CHRM3: variants seen among roughly 807,000 people sequenced by gnomAD.
CHRM3 encodes the protein cholinergic receptor muscarinic 3.
Under a neutral mutation model 41.8 loss-of-function variants are expected in CHRM3, and 11 were observed. The ratio of observed to expected loss-of-function variants is 0.26; its 90% CI spans 0.17 to 0.44. CHRM3 has a LOEUF of 0.44. CHRM3 is among the 20% of genes least tolerant of loss of function. The pLI, the probability that CHRM3 is intolerant of heterozygous loss-of-function variation, is 1.00. For missense variants in CHRM3, 571 were observed against 745.4 expected (o/e 0.77, Z 2.72); for synonymous variants, 297 against 301.4 (o/e 0.99, Z 0.15).
intron 3 of CHRM3, among the ~76,000 whole-genome samples, chr1:239,582,961 T>G (rs1663038601): frequency 6.6e-6 from 1 of 152,170 alleles, no homozygotes; most frequent in African/African-American, 2.4e-5. Flanking sequence ...TCTTCCCTGT[T>G]GCTCTCCAGC....
chr1:239,708,450 C>T (rs981326087), intron 5 of CHRM3, among the ~76,000 whole-genome samples: 1 of 152,148 alleles, frequency 6.6e-6, no homozygotes, highest in African/African-American at 2.4e-5. Context: ...AAAATTCACT[C>T]TCTACTCAAC....
At chr1:239,637,264 T>C (rs528937288) in intron 4 of CHRM3, among the ~76,000 whole-genome samples, 11 of 152,252 alleles carry the variant, frequency 7.2e-5, no homozygotes, top group African/African-American at 2.6e-4. Flanking sequence ...AATATTCTTT[T>C]TAAACACCAT....
At chr1:239,409,687 G>A (rs1016978421) in intron 1 of CHRM3, among the ~76,000 whole-genome samples, 3 of 152,098 alleles carry the variant, frequency 2.0e-5, no homozygotes, top group South Asian at 4.1e-4. Flanking sequence ...AAAAGATAGC[G>A]GAATGTGCAC....
intron 5 of CHRM3, among the ~76,000 whole-genome samples, chr1:239,688,597 ATATAT>A (rs1033792536): frequency 3.0e-5 from 4 of 134,644 alleles, no homozygotes; most frequent in Non-Finnish European, 6.2e-5. Flanking sequence ...ATATAATATA[ATATAT>A]TATACATAAT....
At chr1:239,726,839 C>T (rs1159465538) in intron 5 of CHRM3, among the ~76,000 whole-genome samples, 4 of 151,792 alleles carry the variant, frequency 2.6e-5, no homozygotes, top group Non-Finnish European at 4.4e-5. Context: ...TATTGCAATC[C>T]CAGCATCTAG....
intron 5 of CHRM3, among the ~76,000 whole-genome samples, chr1:239,764,836 T>C (rs1001295124): frequency 2.6e-5 from 4 of 152,236 alleles, no homozygotes; most frequent in Non-Finnish European, 5.9e-5. Context: ...TCCACATAGT[T>C]ACTATTCAAG....
chr1:239,864,551 CACACACACAT>C (rs1335768801), intron 6 of CHRM3, among the ~76,000 whole-genome samples: 60 of 144,720 alleles, frequency 4.1e-4, no homozygotes, highest in African/African-American at 1.6e-3. Context: ...CACACGCACA[CACACACACAT>C]ATACATATAT....
intron 6 of CHRM3, among the ~76,000 whole-genome samples, chr1:239,879,271 C>T (rs1037201047): frequency 6.6e-5 from 10 of 152,142 alleles, no homozygotes; most frequent in African/African-American, 1.2e-4. Flanking sequence ...GCTGGGATTA[C>T]GGGTGTGAGC....
chr1:239,643,393 G>C (rs895474645), intron 4 of CHRM3, among the ~76,000 whole-genome samples: 1 of 152,208 alleles, frequency 6.6e-6, no homozygotes, highest in Admixed American at 6.5e-5. Context: ...GAGGCAGGCA[G>C]GCCTCCTTGA....
At chr1:239,504,068 T>C (rs575363302) in intron 2 of CHRM3, among the ~76,000 whole-genome samples, 9 of 152,058 alleles carry the variant, frequency 5.9e-5, no homozygotes, top group African/African-American at 1.9e-4. Context: ...TATTTGGGAC[T>C]TAAACTAAAG....
At chr1:239,564,559 CA>C (rs1661173629) in intron 3 of CHRM3, among the ~76,000 whole-genome samples, 1 of 151,952 alleles carries the variant, frequency 6.6e-6, no homozygotes, top group Non-Finnish European at 1.5e-5. Flanking sequence ...CTAATTATTC[CA>C]TTCAAAATAC....
intron 6 of CHRM3, among the ~76,000 whole-genome samples, chr1:239,860,096 G>A (rs1675513584): frequency 1.3e-5 from 2 of 152,012 alleles, no homozygotes; most frequent in African/African-American, 2.4e-5. Flanking sequence ...AGAAAAGAAA[G>A]CAGCCTAAAA....
In CHRM3 at chr1:239,629,296, C is replaced by A. The variant is rs531018874; in HGVS notation, c.-312-2928C>A. ...GCTTCCGTCACCCCTTTCTTTGACT[C>A]GGAAAGGGAACTCCCTGACCCCTTG... is the stretch of plus-strand genomic sequence containing the variant. On this transcript the variant is annotated intron_variant, in intron 3 of 6. Transcript: ENST00000676153. 9 of 122,914 alleles carry A rather than the reference C, an allele frequency of 7.3e-5. No individual in the cohort carries two copies. In the East Asian group the frequency reaches 1.7e-3, roughly 23 times the overall value. 7.6% of individuals were successfully genotyped at this position (122,914 alleles called of 1,614,324 possible).
At chr1:239,835,756 T>C (rs1244893704) in intron 6 of CHRM3, among the ~76,000 whole-genome samples, 1 of 152,212 alleles carries the variant, frequency 6.6e-6, no homozygotes, top group Non-Finnish European at 1.5e-5. Flanking sequence ...TGTATGTGTG[T>C]GCACTGGGTC....
At position 239,567,669 on chromosome 1, in the gene CHRM3, T is replaced by G. The variant is rs527324824; in HGVS notation, c.-313+21920T>G. Among the ~76,000 whole-genome samples, 3 of 152,236 alleles carry G rather than the reference T, an allele frequency of 2.0e-5. No individual in the cohort carries two copies. The South Asian group carries it at 6.2e-4, about 32-fold the overall frequency. ...CAGGTCAAAATTATATATCGGTGTG[T>G]GAAGGTGAGTGTGTGGCTTCCATTA... On this transcript the variant is annotated intron_variant, in intron 3 of 6. Transcript: ENST00000676153.
At chr1:239,797,599 G>A (rs564936234) in intron 5 of CHRM3, among the ~76,000 whole-genome samples, 15 of 152,244 alleles carry the variant, frequency 9.9e-5, no homozygotes, top group African/African-American at 2.9e-4. Context: ...TGCCTCGTTC[G>A]TTCCCCATCG....
At chr1:239,790,992 T>G (rs1219640446) in intron 5 of CHRM3, among the ~76,000 whole-genome samples, 1 of 152,060 alleles carries the variant, frequency 6.6e-6, no homozygotes, top group Non-Finnish European at 1.5e-5. Context: ...TTTTTTGTTT[T>G]TTTCTGGTAA....
At chr1:239,392,356 A>C (rs192501752) in intron 1 of CHRM3, among the ~76,000 whole-genome samples, 72 of 152,302 alleles carry the variant, frequency 4.7e-4, no homozygotes, top group African/African-American at 1.5e-3. Flanking sequence ...TGAGTGGCTG[A>C]CTATCCACTA....
intron 5 of CHRM3, among the ~76,000 whole-genome samples, chr1:239,810,524 G>C (rs950409044): frequency 1.3e-5 from 2 of 152,158 alleles, no homozygotes; most frequent in African/African-American, 4.8e-5. Context: ...GAAGGGGGAG[G>C]ATTTCCAAAT....
Sources: allele counts gnomAD v4.1 joint callset (sites outside exome capture counted in the v4.1 genomes callset), GRCh38; gene constraint gnomAD v4.1.1; transcripts MANE v1.5; gene names NCBI Gene and HGNC (gene_info 2026-07-23, HGNC 2026-07-21).